NRIP1: variants seen among roughly 807,000 people sequenced by gnomAD.
NRIP1 encodes nuclear receptor-interacting protein 1.
In NRIP1, 28 loss-of-function variants were observed where a neutral mutation model predicts 75.0. That is an observed-to-expected ratio of 0.37 (90% CI 0.28 to 0.51). The LOEUF (loss-of-function observed/expected upper bound fraction) is 0.51. NRIP1 is among the 20% of genes least tolerant of loss of function. NRIP1 has a pLI of 0.92. For missense variants in NRIP1, 1,435 were observed against 1,343.7 expected, an observed-to-expected ratio of 1.07 and a Z score of -1.06; for synonymous variants, 526 against 487.6, an observed-to-expected ratio of 1.08 and a Z score of -1.04.
intron 3 of NRIP1, among the ~76,000 whole-genome samples, chr21:14,973,511 A>G (rs1450911710): frequency 6.6e-6 from 1 of 152,172 alleles, no homozygotes; most frequent in Non-Finnish European, 1.5e-5. Context: ...AAGCTAACTC[A>G]GTGATGTTTG....
At chr21:14,985,302 T>C (rs1600833190) in intron 3 of NRIP1, among the ~76,000 whole-genome samples, 1 of 152,314 alleles carries the variant, frequency 6.6e-6, no homozygotes, top group South Asian at 2.1e-4. Flanking sequence ...GATATGACAA[T>C]GTTATTTAAA....
In NRIP1 at chr21:14,965,156, T is replaced by C. The variant is rs754776045; in HGVS notation, c.3037A>G (p.Thr1013Ala). The C allele has an allele frequency of 9.9e-6, 16 of 1,613,116 alleles. No individual in the cohort carries two copies. The highest frequency in any genetic ancestry group is 1.2e-5 in the Non-Finnish European group (14 of 1,179,900). ...GCACAGCCCAAGTGCTCAGGGAAAG[T>C]AGGACTCACAGGAGTTTTTACTACA... is the stretch of plus-strand genomic sequence containing the variant. ...PGVVKTPVSPTFPEHLGCAGS... is the reference protein window; with the variant it reads ...PGVVKTPVSPAFPEHLGCAGS... The change falls in exon 4 of 4, where the codon ACT becomes GCT. Residue 1013 changes from threonine (T) to alanine (A), a missense_variant. Transcript: ENST00000318948.
chr21:14,983,611 G>A (rs2087308309), intron 3 of NRIP1, among the ~76,000 whole-genome samples: 1 of 152,198 alleles, frequency 6.6e-6, no homozygotes. Context: ...TAAATTGGAA[G>A]AAGATTCCAT....
chr21:15,031,570 T>G (rs2088692792), intron 2 of NRIP1, among the ~76,000 whole-genome samples: 1 of 144,122 alleles, frequency 6.9e-6, no homozygotes, highest in African/African-American at 2.6e-5. Context: ...CCTTTCTATG[T>G]GTATACACTC....
At chr21:15,014,920 G>C (rs960401057) in intron 2 of NRIP1, among the ~76,000 whole-genome samples, 2 of 151,062 alleles carry the variant, frequency 1.3e-5, no homozygotes, top group African/African-American at 4.9e-5. Flanking sequence ...AAAAAAATTG[G>C]TAATAAATAT....
intron 2 of NRIP1, among the ~76,000 whole-genome samples, chr21:15,025,705 C>T (rs1293591964): frequency 6.6e-6 from 1 of 151,962 alleles, no homozygotes; most frequent in Non-Finnish European, 1.5e-5. Context: ...GCAGAGGATG[C>T]AAAGAGAAGA....
chr21:15,004,837 T>A (rs1370743543), intron 3 of NRIP1, among the ~76,000 whole-genome samples: 1 of 152,094 alleles, frequency 6.6e-6, no homozygotes, highest in African/African-American at 2.4e-5. Flanking sequence ...AAATCACAAA[T>A]GGATAAAAGT....
chr21:14,966,170 A>T lies in NRIP1; in HGVS notation c.2023T>A (p.Ser675Thr). The T allele has an allele frequency of 6.2e-7, 1 of 1,613,588 alleles. No homozygotes were observed. Among genetic ancestry groups the T allele is most frequent in the Non-Finnish European group, 8.5e-7 (1 of 1,179,906 alleles). Residue 675 changes from serine to threonine, a missense_variant, in exon 4 of 4, where the codon TCA (serine) becomes ACA (threonine). Coordinates refer to ENST00000318948, the MANE Select transcript of NRIP1 (RefSeq NM_003489.4). The part of the protein sequence containing the change: ...MIDRLNSPLL[S>T]NKTNAVEENK... Reference sequence around the variant, plus strand: ...TCTTCAACTGCATTTGTTTTATTTGAGAGCAAAGGGCTATTTAATCTATCA... The same window carrying T: ...TCTTCAACTGCATTTGTTTTATTTGTGAGCAAAGGGCTATTTAATCTATCA...
chr21:14,976,875 G>A (rs917333642), intron 3 of NRIP1, among the ~76,000 whole-genome samples: 1 of 152,060 alleles, frequency 6.6e-6, no homozygotes, highest in Non-Finnish European at 1.5e-5. Flanking sequence ...AAACATCTAC[G>A]AGTTCACTTG....
chr21:15,000,761 C>A (rs2147114592), intron 3 of NRIP1, among the ~76,000 whole-genome samples: 1 of 152,058 alleles, frequency 6.6e-6, no homozygotes, highest in South Asian at 2.1e-4. Context: ...AGAGAAAAAC[C>A]CACAAAACTA....
At chr21:15,040,249 C>A (rs1378821707) in intron 2 of NRIP1, among the ~76,000 whole-genome samples, 2 of 151,940 alleles carry the variant, frequency 1.3e-5, no homozygotes. Context: ...ATTGATTATT[C>A]ATTGAAAGGA....
chr21:15,064,681 C>T (rs1467482988), intron 1 of NRIP1, 64 bp downstream of exon 1: 4 of 150,792 alleles, frequency 2.7e-5, no homozygotes, highest in Non-Finnish European at 5.9e-5. Flanking sequence ...GCCGCGCTCC[C>T]GGGCCGTTTC....
chr21:14,986,537 C>T (rs2087409919), intron 3 of NRIP1, among the ~76,000 whole-genome samples: 1 of 152,170 alleles, frequency 6.6e-6, no homozygotes, highest in African/African-American at 2.4e-5. Flanking sequence ...TAACATTTCT[C>T]AGGTCTGAGA....
intron 3 of NRIP1, among the ~76,000 whole-genome samples, chr21:14,998,816 A>C (rs2087789370): frequency 6.6e-6 from 1 of 152,336 alleles, no homozygotes; most frequent in South Asian, 2.1e-4. Flanking sequence ...TAACATATAA[A>C]ATACATGTCA....
At chr21:15,002,532 T>A (rs1176780433) in intron 3 of NRIP1, among the ~76,000 whole-genome samples, 1 of 152,100 alleles carries the variant, frequency 6.6e-6, no homozygotes, top group Non-Finnish European at 1.5e-5. Flanking sequence ...CAGATGTGTC[T>A]ACTTCGGTGA....
chr21:14,967,180 G>C lies in NRIP1; in HGVS notation c.1013C>G (p.Ala338Gly), dbSNP rs754248256. ...AAACACTGTAGCACTACTTTTGCTA[G>C]CCATCAGTTTGCTTGATGATGTTCT... The part of the protein sequence containing the change: ...QARTSSSKLM[A>G]SKSSATVFQN... The change falls in exon 4 of 4, where the codon GCT becomes GGT. Residue 338 changes from alanine to glycine, a missense_variant. Ala to Gly is a moderately conservative substitution (Grantham distance 60). Coordinates refer to ENST00000318948, the MANE Select transcript of NRIP1 (RefSeq NM_003489.4). The C allele has an allele frequency of 1.6e-5, 26 of 1,614,100 alleles. No homozygotes were observed. The highest frequency in any genetic ancestry group is 1.9e-5 in the Non-Finnish European group (23 of 1,180,008).
In NRIP1 at chr21:14,967,440, A is replaced by G; in HGVS notation, c.753T>C (p.Ala251=). 1 of 1,614,098 alleles carries G rather than the reference A, an allele frequency of 6.2e-7. No individual in the cohort carries two copies. The highest frequency in any genetic ancestry group is 8.5e-7 in the Non-Finnish European group (1 of 1,180,002). ...QAVASMVEKR[A]SPATSPKPSV... is the part of the protein sequence containing the mutation. ...TAGGTTTAGGTGAGGTGGCAGGACT[A>G]GCCCTTTTTTCCACCATGCTTGCAA... is the stretch of plus-strand genomic sequence containing the variant. Residue 251 remains alanine (A), a synonymous_variant, in exon 4 of 4, where the codon GCT becomes GCC. Coordinates refer to ENST00000318948, the MANE Select transcript of NRIP1 (RefSeq NM_003489.4).
chr21:15,047,875 C>T (rs564679276), intron 1 of NRIP1, among the ~76,000 whole-genome samples: 41 of 152,336 alleles, frequency 2.7e-4, no homozygotes, highest in African/African-American at 9.1e-4. Flanking sequence ...TTTTGACATG[C>T]CTTCCTCACT....
At chr21:14,989,805 A>AG (rs1184280509) in intron 3 of NRIP1, among the ~76,000 whole-genome samples, 13 of 152,098 alleles carry the variant, frequency 8.5e-5, no homozygotes, top group Admixed American at 6.6e-4. Flanking sequence ...GGTGAGGAGG[A>AG]GGGGAGCCTG....
Sources: gnomAD v4.1 joint callset for allele counts (sites outside exome capture counted in the v4.1 genomes callset) on GRCh38, gnomAD v4.1.1 for gene constraint, MANE v1.5 for transcripts, NCBI Gene and HGNC (gene_info 2026-07-23, HGNC 2026-07-21) for gene names.